The following ITGA8 variants were observed in gnomAD, a reference collection of about 807,000 sequenced individuals.
The protein encoded by ITGA8 is integrin subunit alpha 8.
A neutral mutation model predicts 142.3 loss-of-function variants in ITGA8; 91 were observed. The observed-to-expected ratio is 0.64, with a 90% CI of 0.54 to 0.76. ITGA8 has a LOEUF of 0.76. Ranked by LOEUF, ITGA8 falls within the 30% of genes least tolerant of loss-of-function variation. The pLI is 0.00. For missense variants in ITGA8, 1,406 were observed against 1,327.7 expected (o/e 1.06, Z -0.92); for synonymous variants, 505 against 485.2 (o/e 1.04, Z -0.54).
chr10:15,646,045 A>G (rs1833975672), intron 12 of ITGA8, among the ~76,000 whole-genome samples: 1 of 152,168 alleles, frequency 6.6e-6, no homozygotes, highest in Admixed American at 6.5e-5. Context: ...ACATGTATTT[A>G]TTTGTCTTGA....
At position 15,544,895 on chromosome 10, in the gene ITGA8, C is replaced by T. The variant is rs564046258; in HGVS notation, c.2880+3560G>A. 3.3e-5 allele frequency among the ~76,000 whole-genome samples: 5 copies of T among 152,332 alleles called. No individual in the cohort carries two copies. The South Asian group carries it at 1.0e-3, about 32-fold the overall frequency. On this transcript the variant is annotated intron_variant, in intron 27 of 29. Coordinates refer to ENST00000378076, the MANE Select transcript of ITGA8 (RefSeq NM_003638.3). ...ATGTTAGGAGATCGCTCAAGCAGCA[C>T]TGTGGAGAGGGCCACGTGGTAAGGC...
intron 13 of ITGA8, among the ~76,000 whole-genome samples, chr10:15,635,510 T>G (rs1674233137): frequency 1.3e-5 from 2 of 152,128 alleles, no homozygotes; most frequent in African/African-American, 4.8e-5. Flanking sequence ...AAATCACACG[T>G]GGGAGAACTG....
chr10:15,517,477 C>T (rs1013250446), intron 29 of ITGA8, among the ~76,000 whole-genome samples: 2 of 152,144 alleles, frequency 1.3e-5, no homozygotes, highest in Admixed American at 1.3e-4. Flanking sequence ...GCCTGCACCA[C>T]CACACCCAGC....
chr10:15,567,147 C>A (rs1834095098), intron 25 of ITGA8, among the ~76,000 whole-genome samples: 1 of 146,304 alleles, frequency 6.8e-6, no homozygotes, highest in African/African-American at 2.6e-5. Context: ...AGAGTAAGAC[C>A]CCATCTCAAA....
intron 26 of ITGA8, among the ~76,000 whole-genome samples, chr10:15,556,111 C>T (rs958215862): frequency 2.0e-5 from 3 of 148,146 alleles, no homozygotes; most frequent in Non-Finnish European, 3.0e-5. Context: ...ACTGCAACCT[C>T]CACCTCCCTA....
At chr10:15,601,532 C>T (rs1833104338) in intron 20 of ITGA8, among the ~76,000 whole-genome samples, 1 of 152,116 alleles carries the variant, frequency 6.6e-6, no homozygotes, top group Non-Finnish European at 1.5e-5. Flanking sequence ...TATAATGTCA[C>T]TGAACTGCGC....
chr10:15,519,509 G>T, intron 28 of ITGA8, 97 bp from the exon 29 acceptor site: 1 of 1,278,682 alleles, frequency 7.8e-7, no homozygotes, highest in Admixed American at 1.8e-5. Flanking sequence ...TGATCTGAAA[G>T]GATCCATATG....
At chr10:15,694,196 AAT>A (rs1834989627) in intron 2 of ITGA8, among the ~76,000 whole-genome samples, 1 of 143,476 alleles carries the variant, frequency 7.0e-6, no homozygotes, top group Non-Finnish European at 1.5e-5. Context: ...TATATATGAT[AAT>A]ATATCATATA....
chr10:15,597,147 T>C, intron 21 of ITGA8, 60 bp downstream of exon 21: 1 of 1,342,724 alleles, frequency 7.4e-7, no homozygotes, highest in South Asian at 1.2e-5. Flanking sequence ...GAGCTTTCCA[T>C]TTGTTCCCTG....
At chr10:15,554,305 C>T (rs1336731194) in intron 26 of ITGA8, among the ~76,000 whole-genome samples, 2 of 152,108 alleles carry the variant, frequency 1.3e-5, no homozygotes, top group African/African-American at 4.8e-5. Context: ...TGATGAATTG[C>T]CCTGAGTTCA....
At chr10:15,688,891 T>G (rs2131709083) in intron 2 of ITGA8, among the ~76,000 whole-genome samples, 1 of 152,310 alleles carries the variant, frequency 6.6e-6, no homozygotes, top group South Asian at 2.1e-4. Context: ...CAGCTAACAT[T>G]ACACTTAGCA....
At chr10:15,608,423 ACC>A (rs397836243) in intron 15 of ITGA8, 133 bp from the exon 16 acceptor site, 115 of 380,890 alleles carry the variant, frequency 3.0e-4, no homozygotes, top group African/African-American at 7.6e-4. Context: ...ACACACACAC[ACC>A]CACACACACA....
chr10:15,674,392 T>G (rs954036910), intron 6 of ITGA8, among the ~76,000 whole-genome samples: 5 of 152,204 alleles, frequency 3.3e-5, no homozygotes, highest in African/African-American at 1.2e-4. Flanking sequence ...CTATGGCAAA[T>G]TTTTAGCAAA....
rs780833154 is a variant in ITGA8, at chr10:15,558,171, A to G, written c.2669T>C (p.Leu890Pro). ...PAASPEDTPELSAFLRNSTIP... is the reference protein window; with the variant it reads ...PAASPEDTPEPSAFLRNSTIP... ...AGTAGAGTTTCGCAAAAAGGCGCTG[A>G]GCTCAGGGGTGTCCTCTGGGGAGGC... Residue 890 changes from leucine to proline, a missense_variant, in exon 26 of 30, where the codon CTC becomes CCC. Leu to Pro is a moderately conservative substitution (Grantham distance 98). Coordinates refer to ENST00000378076, the MANE Select transcript of ITGA8 (RefSeq NM_003638.3). 1 of 1,614,218 alleles carries G rather than the reference A, an allele frequency of 6.2e-7. No homozygotes were observed. Among genetic ancestry groups the G allele is most frequent in the South Asian group, 1.1e-5 (1 of 91,078 alleles).
At position 15,561,237 on chromosome 10, in the gene ITGA8, A is replaced by ATATATATATATATATG. The variant is rs1564352282; in HGVS notation, c.2638-3036_2638-3035insCATATATATATATATA. Among the ~76,000 whole-genome samples, 183 of 78,766 alleles carry ATATATATATATATATG rather than the reference A, an allele frequency of 2.3e-3. 2 individuals are homozygous for ATATATATATATATATG. Among genetic ancestry groups the ATATATATATATATATG allele is most frequent in the African/African-American group, 0.016 (175 of 11,130 alleles). The allele number at this position is 78,766 out of a possible 152,430, so 51.7% of individuals were successfully genotyped here. A position where few individuals can be genotyped will look rare whatever the true frequency, so the allele number is the denominator to read the frequency against. On this transcript the variant is annotated intron_variant, in intron 25 of 29. Coordinates refer to ENST00000378076, the MANE Select transcript of ITGA8 (RefSeq NM_003638.3). ...TATATATATATATATATATATATGT[A>ATATATATATATATATG]TATATATATATATATATGTATGTAA... is the stretch of plus-strand genomic sequence containing the variant.
chr10:15,707,861 T>C (rs927317122), intron 2 of ITGA8, among the ~76,000 whole-genome samples: 75 of 149,414 alleles, frequency 5.0e-4, no homozygotes, highest in Non-Finnish European at 3.7e-4. Flanking sequence ...AAAAAGATAA[T>C]CAGTTTGTGT....
In ITGA8 at chr10:15,564,425, A is replaced by T. The variant is rs1318004601; in HGVS notation, c.2638-6223T>A. On this transcript the variant is annotated intron_variant, in intron 25 of 29. Transcript: ENST00000378076. ...CTCTTAGCATCCATGATAGGCAGAC[A>T]GTTCCCAGGACAATTCATTAAGTGC... Among the ~76,000 whole-genome samples the T allele has an allele frequency of 2.0e-5, 3 of 152,238 alleles. No individual in the cohort carries two copies. In the East Asian group the frequency reaches 5.8e-4, roughly 29 times the overall value.
intron 24 of ITGA8, among the ~76,000 whole-genome samples, chr10:15,572,686 A>G (rs955541755): frequency 1.3e-5 from 2 of 152,196 alleles, no homozygotes; most frequent in Admixed American, 1.3e-4. Flanking sequence ...ATAGCGCTAG[A>G]AATTTTAATT....
chr10:15,572,330 G>A lies in ITGA8; in HGVS notation c.2518C>T (p.Leu840=), dbSNP rs775413331. Residue 840 remains leucine, a synonymous_variant, in exon 25 of 30, where the codon CTG becomes TTG. Coordinates refer to ENST00000378076, the MANE Select transcript of ITGA8 (RefSeq NM_003638.3). ...GCAGAGAAAGGCCAGCCCACCTCCA[G>A]GATGGTGTCACTGATGGTACTTGGT... ...IGPSTISDTI[L]EVGWPFSARD... The A allele has an allele frequency of 2.3e-5, 37 of 1,614,102 alleles. 1 individual carries two copies. In the South Asian group the frequency reaches 4.1e-4, roughly 18 times the overall value.
Sources: gnomAD v4.1 joint callset for allele counts (sites outside exome capture counted in the v4.1 genomes callset) on GRCh38, gnomAD v4.1.1 for gene constraint, MANE v1.5 for transcripts, NCBI Gene and HGNC (gene_info 2026-07-23, HGNC 2026-07-21) for gene names.